Variants in RIT2 observed in about 807,000 individuals in gnomAD.
RIT2 encodes the protein Ras like without CAAX 2.
A neutral mutation model predicts 23.7 loss-of-function variants in RIT2; 24 were observed. That is an observed-to-expected ratio of 1.01 (90% CI 0.73 to 1.43). The LOEUF (loss-of-function observed/expected upper bound fraction) is 1.43, where lower values mean the gene tolerates loss of function less well. Ranked by LOEUF, RIT2 falls within the 40% of genes most tolerant of loss-of-function variation. The pLI, the probability that RIT2 is intolerant of heterozygous loss-of-function variation, is 0.00. For synonymous variants in RIT2, 107 were observed against 91.1 expected, an observed-to-expected ratio of 1.17 and a Z score of -0.99; for missense variants, 236 against 266.9, an observed-to-expected ratio of 0.88 and a Z score of 0.81.
At chr18:43,019,486 C>A (rs1217053233) in intron 2 of RIT2, among the ~76,000 whole-genome samples, 2 of 151,852 alleles carry the variant, frequency 1.3e-5, no homozygotes, top group Non-Finnish European at 2.9e-5. Flanking sequence ...AATTCAATAT[C>A]CCTTCATGAC....
chr18:42,974,290 G>T (rs553908844), intron 2 of RIT2, 143 bp from the exon 3 acceptor site: 156 of 554,602 alleles, frequency 2.8e-4, no homozygotes, highest in Non-Finnish European at 4.2e-4. Flanking sequence ...ATTGAAAAAT[G>T]ATGTAACTCA....
intron 1 of RIT2, among the ~76,000 whole-genome samples, chr18:43,051,087 A>T (rs919908699): frequency 1.3e-5 from 2 of 152,024 alleles, no homozygotes; most frequent in South Asian, 4.1e-4. Context: ...GAAGGGGGGA[A>T]TATTGCAGGC....
intron 4 of RIT2, among the ~76,000 whole-genome samples, chr18:42,788,768 A>T (rs1353075094): frequency 6.6e-6 from 1 of 152,162 alleles, no homozygotes; most frequent in African/African-American, 2.4e-5. Context: ...ACATCTATCA[A>T]ATACCCAAGT....
intron 2 of RIT2, among the ~76,000 whole-genome samples, chr18:42,983,226 T>C (rs2144216623): frequency 1.3e-5 from 2 of 152,194 alleles, no homozygotes; most frequent in Admixed American, 1.3e-4. Context: ...ACTGACTAAA[T>C]TTTGACCAAG....
intron 4 of RIT2, among the ~76,000 whole-genome samples, chr18:42,916,656 T>C (rs778048163): frequency 2.9e-4 from 44 of 152,058 alleles, no homozygotes; most frequent in Admixed American, 1.9e-3. Flanking sequence ...ACTATTACAA[T>C]AATCCAGATG....
At chr18:42,877,498 C>G (rs886227872) in intron 4 of RIT2, among the ~76,000 whole-genome samples, 4 of 144,834 alleles carry the variant, frequency 2.8e-5, no homozygotes, top group African/African-American at 7.8e-5. Flanking sequence ...AAATGCTTAT[C>G]TCTGTTTTGT....
At chr18:42,991,255 T>A (rs1245913524) in intron 2 of RIT2, among the ~76,000 whole-genome samples, 1 of 152,168 alleles carries the variant, frequency 6.6e-6, no homozygotes, top group Non-Finnish European at 1.5e-5. Flanking sequence ...TTGATTCAAA[T>A]ATCAGCCATA....
At chr18:43,007,020 T>C (rs1598746055) in intron 2 of RIT2, among the ~76,000 whole-genome samples, 2 of 151,708 alleles carry the variant, frequency 1.3e-5, no homozygotes, top group East Asian at 2.0e-4. Context: ...GAATAATATA[T>C]TTAAGGTGCT....
chr18:43,008,287 T>C lies in RIT2; in HGVS notation c.160+25524A>G, dbSNP rs151042901. Among the ~76,000 whole-genome samples the C allele has an allele frequency of 5.8e-3, 874 of 151,758 alleles. 17 individuals carry two copies. The highest frequency in any genetic ancestry group is 0.043 in the East Asian group (218 of 5,116). On this transcript the variant is annotated intron_variant, in intron 2 of 4. Transcript: ENST00000326695. ...TACTCATATAGGTATACATACAATG[T>C]ACATATATATAAGATTATATGTACA... is the stretch of plus-strand genomic sequence containing the variant.
rs945536675 is a variant in RIT2, at chr18:43,076,959, C to A, written c.103+38458G>T. Among the ~76,000 whole-genome samples the A allele has an allele frequency of 1.5e-4, 23 of 150,808 alleles. No individual in the cohort carries two copies. In the Admixed American group the frequency reaches 1.5e-3, roughly 10 times the overall value. On this transcript the variant is annotated intron_variant, in intron 1 of 4. Transcript: ENST00000326695. ...TCTACTAAAAATACAAAAAATTAGC[C>A]GGCCGTAGTGGCGGGCGCCTGTAGT...
intron 1 of RIT2, among the ~76,000 whole-genome samples, chr18:43,050,142 T>C (rs546891218): frequency 7.2e-5 from 11 of 151,748 alleles, no homozygotes; most frequent in Non-Finnish European, 1.5e-4. Flanking sequence ...TTCTCCCACC[T>C]CAGCCTCTCT....
intron 2 of RIT2, among the ~76,000 whole-genome samples, chr18:42,985,538 G>T (rs1401606621): frequency 6.6e-6 from 1 of 152,012 alleles, no homozygotes; most frequent in East Asian, 1.9e-4. Flanking sequence ...GTGTGATACT[G>T]GCACATGGGT....
At chr18:42,944,735 T>C (rs1021807694) in intron 3 of RIT2, among the ~76,000 whole-genome samples, 24 of 152,134 alleles carry the variant, frequency 1.6e-4, no homozygotes, top group Non-Finnish European at 3.2e-4. Context: ...TTGGTAGGGA[T>C]AGGTTTGTCT....
intron 2 of RIT2, among the ~76,000 whole-genome samples, chr18:42,997,759 T>C (rs751958880): frequency 3.9e-5 from 6 of 152,112 alleles, no homozygotes; most frequent in Non-Finnish European, 7.4e-5. Flanking sequence ...TGATAAATAG[T>C]GAAACACTAT....
chr18:42,778,472 C>T (rs947015919), intron 4 of RIT2, among the ~76,000 whole-genome samples: 1 of 152,034 alleles, frequency 6.6e-6, no homozygotes, highest in South Asian at 2.1e-4. Context: ...ACTTATACTC[C>T]ATATAAAATT....
rs769099722 is a variant in RIT2, at chr18:43,076,302, G to C, written c.103+39115C>G. Among the ~76,000 whole-genome samples, 21 of 152,140 alleles carry C rather than the reference G, an allele frequency of 1.4e-4. 1 individual carries two copies. The highest frequency in any genetic ancestry group is 2.9e-4 in the Non-Finnish European group (20 of 68,016). On this transcript the variant is annotated intron_variant, in intron 1 of 4. Coordinates refer to ENST00000326695, the MANE Select transcript of RIT2 (RefSeq NM_002930.4). ...TTCATTGAGTGCTTATGAAATGTTT[G>C]TCTACTTAGAGCTGCATAACTACAG...
chr18:42,889,037 G>GC (rs1456070585), intron 4 of RIT2, among the ~76,000 whole-genome samples: 1 of 151,820 alleles, frequency 6.6e-6, no homozygotes, highest in East Asian at 1.9e-4. Flanking sequence ...CTGCACATGT[G>GC]CCCCCCTGTT....
At chr18:42,901,969 T>C (rs1479313734) in intron 4 of RIT2, among the ~76,000 whole-genome samples, 1 of 151,950 alleles carries the variant, frequency 6.6e-6, no homozygotes, top group African/African-American at 2.4e-5. Flanking sequence ...AAGATGCAGA[T>C]ATAGAAATCC....
intron 2 of RIT2, among the ~76,000 whole-genome samples, chr18:43,019,269 T>C (rs569378700): frequency 6.6e-6 from 1 of 151,684 alleles, no homozygotes; most frequent in Non-Finnish European, 1.5e-5. Flanking sequence ...CTAAAAAACA[T>C]AGATACAAAA....
Sources: gnomAD v4.1 joint callset for allele counts (sites outside exome capture counted in the v4.1 genomes callset) on GRCh38, gnomAD v4.1.1 for gene constraint, MANE v1.5 for transcripts, NCBI Gene and HGNC (gene_info 2026-07-23, HGNC 2026-07-21) for gene names.